LPA: variants seen among roughly 807,000 people sequenced by gnomAD.
LPA encodes the protein apolipoprotein(a).
Under a neutral mutation model 197.9 loss-of-function variants are expected in LPA, and 199 were observed. That is an observed-to-expected ratio of 1.01 (90% CI 0.90 to 1.13). The LOEUF is 1.13. Among genes scored for constraint, LPA ranks in the 50% most tolerant of loss-of-function variants. The probability of loss-of-function intolerance (pLI) is 0.00; values close to 1 mark genes in which losing one functional copy is unlikely to be tolerated. For missense variants in LPA, 1,853 were observed against 1,785.8 expected (o/e 1.04, Z -0.68); for synonymous variants, 715 against 639.5 (o/e 1.12, Z -1.78).
At chr6:160,536,464 A>T (rs987670351) in intron 37 of LPA, among the ~76,000 whole-genome samples, 1 of 152,072 alleles carries the variant, frequency 6.6e-6, no homozygotes, top group Non-Finnish European at 1.5e-5. Context: ...TTCCCCCATA[A>T]CAGCCCTGCA....
intron 22 of LPA, among the ~76,000 whole-genome samples, chr6:160,593,696 G>A (rs949794153): frequency 2.0e-5 from 3 of 152,264 alleles, no homozygotes; most frequent in African/African-American, 2.4e-5. Flanking sequence ...CTAAGCACGT[G>A]GCCATGTGTC....
rs1046180402 is a variant in LPA at position 160,661,908 on chromosome 6, G to C, written c.49+2258C>G. On this transcript the variant is annotated intron_variant, in intron 1 of 38. Transcript: ENST00000316300. Reference sequence around the variant, plus strand: ...AGTTCAGTTAAACATTTTGAAGAGTGTTTTTGAAATGTAGCAGAGCAGGCT... The same window carrying C: ...AGTTCAGTTAAACATTTTGAAGAGTCTTTTTGAAATGTAGCAGAGCAGGCT... 2.6e-5 allele frequency among the ~76,000 whole-genome samples: 4 copies of C among 152,142 alleles called. No individual in the cohort carries two copies. The East Asian group carries it at 7.7e-4, about 29-fold the overall frequency.
intron 19 of LPA, among the ~76,000 whole-genome samples, chr6:160,600,684 G>T (rs1187951967): frequency 6.6e-6 from 1 of 152,172 alleles, no homozygotes; most frequent in Non-Finnish European, 1.5e-5. Context: ...GAGTGGTGAA[G>T]TCGAGCACCC....
chr6:160,560,953 A>C (rs1433285503), intron 28 of LPA, among the ~76,000 whole-genome samples: 2 of 152,082 alleles, frequency 1.3e-5, no homozygotes, highest in African/African-American at 4.8e-5. Flanking sequence ...TCTGTTGCCC[A>C]GGCTGGAGTG....
At chr6:160,561,364 A>G (rs564188103) in intron 28 of LPA, among the ~76,000 whole-genome samples, 21 of 152,314 alleles carry the variant, frequency 1.4e-4, no homozygotes, top group South Asian at 1.2e-3. Context: ...TTTGTCAAAG[A>G]TCCAATAGTT....
chr6:160,610,858 C>A (rs539806373), intron 16 of LPA, among the ~76,000 whole-genome samples: 2 of 152,274 alleles, frequency 1.3e-5, no homozygotes, highest in South Asian at 2.1e-4. Context: ...TCTAGGTCCT[C>A]TACCATCTGT....
intron 1 of LPA, among the ~76,000 whole-genome samples, chr6:160,661,419 T>C (rs1247863009): frequency 6.6e-6 from 1 of 152,012 alleles, no homozygotes; most frequent in Non-Finnish European, 1.5e-5. Context: ...GCAGAGAACA[T>C]GTGTTTGTAT....
Position 160,556,094 on chromosome 6 carries a change from C to G in LPA, c.4904G>C (p.Arg1635Thr). 2 of 1,613,878 alleles carry G rather than the reference C, an allele frequency of 1.2e-6. No homozygotes were observed. The highest frequency in any genetic ancestry group is 1.7e-6 in the Non-Finnish European group (2 of 1,179,902). ...CATGGATGACCAAGATTGACATGTCCTTCCTGTGACAGTGGTGGAGAATGT... is the reference window on the plus strand; with the variant it reads ...CATGGATGACCAAGATTGACATGTCGTTCCTGTGACAGTGGTGGAGAATGT... The part of the protein sequence containing the change: ...RGTFSTTVTG[R>T]TCQSWSSMTP... The change falls in exon 30 of 39, where the codon AGG (arginine) becomes ACG (threonine). Residue 1635 changes from arginine (R) to threonine (T), a missense_variant. This residue lies in a region of LPA where 1,737 missense variants were observed against 1,504.4 expected (regional missense o/e 1.15). Coordinates refer to ENST00000316300, the MANE Select transcript of LPA (RefSeq NM_005577.4).
At position 160,557,752 on chromosome 6, in the gene LPA, T is replaced by C. The variant is rs115013883; in HGVS notation, c.4632-181A>G. Among the ~76,000 whole-genome samples the C allele has an allele frequency of 3.6e-3, 550 of 152,194 alleles. 4 individuals carry two copies. The highest frequency in any genetic ancestry group is 0.013 in the African/African-American group (525 of 41,520). ...CAAGTTCTAAAGAACCATGTAAATT[T>C]CCAAGATAGATTATAATTTTTATTT... On this transcript the variant is annotated intron_variant, in intron 28 of 38. Transcript: ENST00000316300.
At chr6:160,578,493 T>A in intron 27 of LPA, 30 bp downstream of exon 27, 1 of 1,613,034 alleles carries the variant, frequency 6.2e-7, no homozygotes, top group Non-Finnish European at 8.5e-7. Context: ...TTCATCCCAG[T>A]ATATAGATGT....
intron 30 of LPA, among the ~76,000 whole-genome samples, chr6:160,550,022 A>C (rs535398713): frequency 6.6e-6 from 1 of 152,348 alleles, no homozygotes; most frequent in African/African-American, 2.4e-5. Flanking sequence ...ACAGAGCGAG[A>C]CCATCTTGGC....
At chr6:160,606,827 G>A (rs1459441452) in intron 16 of LPA, among the ~76,000 whole-genome samples, 169 bp from the exon 17 acceptor site, 1 of 151,984 alleles carries the variant, frequency 6.6e-6, no homozygotes, top group Non-Finnish European at 1.5e-5. Context: ...CACTAATCCT[G>A]TCTGCACATT....
intron 8 of LPA, among the ~76,000 whole-genome samples, chr6:160,632,023 T>G: frequency 6.7e-6 from 1 of 149,622 alleles, no homozygotes; most frequent in Middle Eastern, 3.5e-3. Context: ...TGTGTGTGTG[T>G]AGCTCATTCT....
intron 34 of LPA, among the ~76,000 whole-genome samples, 169 bp from the exon 35 acceptor site, chr6:160,541,350 T>C (rs2114998731): frequency 6.6e-6 from 1 of 152,306 alleles, no homozygotes; most frequent in Middle Eastern, 3.4e-3. Flanking sequence ...TGTGCTCCAG[T>C]AGTGAGATTT....
intron 18 of LPA, among the ~76,000 whole-genome samples, chr6:160,602,584 A>T (rs941532541): frequency 3.9e-5 from 6 of 152,200 alleles, no homozygotes; most frequent in African/African-American, 1.4e-4. Context: ...TGGGTTCTTC[A>T]TTACGTGGGC....
intron 7 of LPA, among the ~76,000 whole-genome samples, chr6:160,634,576 A>C (rs1779764101): frequency 6.9e-6 from 1 of 144,508 alleles, no homozygotes; most frequent in South Asian, 2.2e-4. Flanking sequence ...AGGTTTAAGA[A>C]CACTGAGAAA....
intron 1 of LPA, among the ~76,000 whole-genome samples, chr6:160,657,215 G>T (rs986571271): frequency 3.3e-5 from 5 of 152,132 alleles, no homozygotes; most frequent in South Asian, 2.1e-4. Context: ...GGCCAAGGGT[G>T]TATCTTCTGG....
intron 1 of LPA, among the ~76,000 whole-genome samples, chr6:160,661,352 A>G (rs1780223367): frequency 6.6e-6 from 1 of 152,208 alleles, no homozygotes; most frequent in Non-Finnish European, 1.5e-5. Flanking sequence ...TGGCTCTGAA[A>G]GCAGCGAGAC....
At chr6:160,609,861 G>C (rs1348327670) in intron 16 of LPA, among the ~76,000 whole-genome samples, 2 of 151,750 alleles carry the variant, frequency 1.3e-5, no homozygotes, top group Admixed American at 6.6e-5. Context: ...TCATTCTGTA[G>C]GTTCTGCAGA....
Sources: gnomAD v4.1 joint callset for allele counts (sites outside exome capture counted in the v4.1 genomes callset) on GRCh38, gnomAD v4.1.1 for gene constraint, gnomAD v4.1.1 regional missense constraint, MANE v1.5 for transcripts, NCBI Gene and HGNC (gene_info 2026-07-23, HGNC 2026-07-21) for gene names.